Variants in CNTNAP2 observed in about 807,000 individuals in gnomAD.
CNTNAP2 encodes contactin-associated protein-like 2.
Under a neutral mutation model 155.2 loss-of-function variants are expected in CNTNAP2, and 98 were observed. The ratio of observed to expected loss-of-function variants is 0.63; its 90% confidence interval spans 0.54 to 0.75. The LOEUF is 0.75. Ranked by LOEUF, CNTNAP2 falls within the 30% of genes least tolerant of loss-of-function variation. The pLI is 0.00. For missense variants in CNTNAP2, 1,727 were observed against 1,688.1 expected (o/e 1.02, Z -0.40); for synonymous variants, 651 against 631.2 (o/e 1.03, Z -0.47).
intron 21 of CNTNAP2, among the ~76,000 whole-genome samples, chr7:148,342,556 G>A (rs952524026): frequency 6.6e-6 from 1 of 152,148 alleles, no homozygotes; most frequent in African/African-American, 2.4e-5. Flanking sequence ...CATGCACAAG[G>A]CCTCCCATGA....
At chr7:147,607,857 A>T (rs969700976) in intron 12 of CNTNAP2, among the ~76,000 whole-genome samples, 29 of 152,258 alleles carry the variant, frequency 1.9e-4, no homozygotes, top group African/African-American at 7.0e-4. Flanking sequence ...TACAAAGTTA[A>T]ACACTAAAGA....
At chr7:146,438,397 T>G (rs2129118732) in intron 1 of CNTNAP2, among the ~76,000 whole-genome samples, 1 of 151,376 alleles carries the variant, frequency 6.6e-6, no homozygotes, top group African/African-American at 2.5e-5. Flanking sequence ...TTCATTATCC[T>G]TTTTAGCAAC....
intron 23 of CNTNAP2, among the ~76,000 whole-genome samples, chr7:148,413,401 A>AAT (rs1226281346): frequency 5.5e-4 from 25 of 45,358 alleles, no homozygotes; most frequent in African/African-American, 2.2e-3. Flanking sequence ...TCAAAAAAAA[A>AAT]ATATATATAT....
intron 17 of CNTNAP2, among the ~76,000 whole-genome samples, chr7:148,151,764 C>T (rs1403815863): frequency 2.0e-5 from 3 of 152,144 alleles, no homozygotes; most frequent in Non-Finnish European, 2.9e-5. Flanking sequence ...TGATCACTTC[C>T]ACTCACCAAC....
chr7:146,395,832 A>ATAGAG (rs1795617686), intron 1 of CNTNAP2, among the ~76,000 whole-genome samples: 3 of 101,698 alleles, frequency 2.9e-5, no homozygotes, highest in African/African-American at 1.6e-4. Flanking sequence ...TAGAGGAGAG[A>ATAGAG]GAGAGAGAGA....
At chr7:146,948,049 A>G (rs1797228563) in intron 3 of CNTNAP2, among the ~76,000 whole-genome samples, 1 of 152,094 alleles carries the variant, frequency 6.6e-6, no homozygotes, top group Non-Finnish European at 1.5e-5. Context: ...ATGTTAGTGT[A>G]TTTTGTCAAA....
chr7:147,809,885 G>A (rs1183116871), intron 13 of CNTNAP2, among the ~76,000 whole-genome samples: 1 of 152,292 alleles, frequency 6.6e-6, no homozygotes, highest in African/African-American at 2.4e-5. Context: ...GAGGAAGGCT[G>A]GAGGGGTTCT....
At chr7:146,620,555 T>C (rs1155384) in intron 1 of CNTNAP2, among the ~76,000 whole-genome samples, 72,634 of 151,968 alleles carry the variant, frequency 0.48, 18,203 homozygotes, top group Non-Finnish European at 0.56. Context: ...ATGACTCTTA[T>C]CTCCAGTTCA....
At chr7:147,333,748 T>C (rs1795617806) in intron 9 of CNTNAP2, among the ~76,000 whole-genome samples, 1 of 152,200 alleles carries the variant, frequency 6.6e-6, no homozygotes, top group Admixed American at 6.5e-5. Flanking sequence ...TGTACAAATA[T>C]GTGCTTGTTA....
At chr7:147,005,619 T>C (rs1304343756) in intron 3 of CNTNAP2, among the ~76,000 whole-genome samples, 1 of 151,996 alleles carries the variant, frequency 6.6e-6, no homozygotes, top group African/African-American at 2.4e-5. Flanking sequence ...GGTGCAGTGA[T>C]GGTAAGGTGA....
intron 4 of CNTNAP2, among the ~76,000 whole-genome samples, chr7:147,104,164 A>C (rs188485720): frequency 3.7e-4 from 56 of 152,198 alleles, no homozygotes; most frequent in African/African-American, 1.3e-3. Flanking sequence ...ACATATGAGA[A>C]TTCTATCTTT....
At chr7:147,103,199 G>T (rs975701504) in intron 4 of CNTNAP2, among the ~76,000 whole-genome samples, 2 of 152,080 alleles carry the variant, frequency 1.3e-5, no homozygotes, top group Admixed American at 6.5e-5. Context: ...CTGGGCTTTA[G>T]AATGGAACAA....
intron 17 of CNTNAP2, 76 bp downstream of exon 17, chr7:148,147,785 A>AAAAAAAT: frequency 8.5e-7 from 1 of 1,179,270 alleles, no homozygotes; most frequent in Non-Finnish European, 1.2e-6. Context: ...AAAAAAAAAA[A>AAAAAAAT]TCAGCCTATG....
intron 8 of CNTNAP2, among the ~76,000 whole-genome samples, chr7:147,161,317 CTCCTGTGAGGCTGTTTTATA>C (rs1802019070): frequency 6.6e-6 from 1 of 152,124 alleles, no homozygotes; most frequent in Admixed American, 6.6e-5. Flanking sequence ...AGTGAGCCTC[CTCCTGTGAGGCTGTTTTATA>C]TCCTGGGTAC....
At position 146,781,099 on chromosome 7, in the gene CNTNAP2, G is replaced by A. The variant is rs182789927; in HGVS notation, c.208+6718G>A. Among the ~76,000 whole-genome samples, 10 of 151,972 alleles carry A rather than the reference G, an allele frequency of 6.6e-5. 1 individual carries two copies. In the East Asian group the frequency reaches 1.9e-3, roughly 30 times the overall value. On this transcript the variant is annotated intron_variant, in intron 2 of 23. Transcript: ENST00000361727. ...GAGAATTAGCCGGGCGTGGTGGCTG[G>A]CGCCTGTAGTCCCAGCTACTCGGGA...
intron 1 of CNTNAP2, among the ~76,000 whole-genome samples, chr7:146,369,916 T>A (rs1360527883): frequency 6.6e-6 from 1 of 152,318 alleles, no homozygotes; most frequent in Admixed American, 6.5e-5. Flanking sequence ...AGTTCCTGGA[T>A]TTGGGATATG....
At chr7:147,366,538 T>G (rs1176557042) in intron 9 of CNTNAP2, among the ~76,000 whole-genome samples, 1 of 152,096 alleles carries the variant, frequency 6.6e-6, no homozygotes, top group Admixed American at 6.5e-5. Context: ...TCTGCCTTCT[T>G]TGTATTGACT....
intron 16 of CNTNAP2, among the ~76,000 whole-genome samples, chr7:148,137,291 G>A (rs1027982641): frequency 1.3e-5 from 2 of 152,198 alleles, no homozygotes; most frequent in African/African-American, 2.4e-5. Flanking sequence ...AATTGGTTAT[G>A]CATCTCTTGT....
At chr7:148,254,290 C>T (rs1035071251) in intron 20 of CNTNAP2, among the ~76,000 whole-genome samples, 4 of 152,082 alleles carry the variant, frequency 2.6e-5, no homozygotes, top group African/African-American at 7.2e-5. Flanking sequence ...CTTATTAAAG[C>T]GCCCCCACAC....
Sources: allele counts gnomAD v4.1 joint callset (sites outside exome capture counted in the v4.1 genomes callset), GRCh38; gene constraint gnomAD v4.1.1; transcripts MANE v1.5; gene names NCBI Gene and HGNC (gene_info 2026-07-23, HGNC 2026-07-21).